Variants in MS4A4E observed in about 807,000 individuals in gnomAD.
MS4A4E encodes membrane spanning 4-domains A4E.
A neutral mutation model predicts 13.3 loss-of-function variants in MS4A4E; 23 were observed. The ratio of observed to expected loss-of-function variants is 1.73; its 90% confidence interval spans 1.25 to 2.45. The LOEUF (loss-of-function observed/expected upper bound fraction) is 2.45, where lower values mean the gene tolerates loss of function less well. Ranked by LOEUF, MS4A4E falls within the 30% of genes most tolerant of loss-of-function variation. The pLI, the probability that MS4A4E is intolerant of heterozygous loss-of-function variation, is 0.00. For missense variants in MS4A4E, 144 were observed against 131.2 expected (o/e 1.10, Z -0.48); for synonymous variants, 36 against 45.6 (o/e 0.79, Z 0.85).
chr11:60,236,469 T>C (rs927360350), intron 1 of MS4A4E, among the ~76,000 whole-genome samples: 4 of 152,134 alleles, frequency 2.6e-5, no homozygotes, highest in Non-Finnish European at 4.4e-5. Flanking sequence ...TTTTCTTTAA[T>C]TTCTTTTAAC....
intron 3 of MS4A4E, among the ~76,000 whole-genome samples, chr11:60,226,181 C>A (rs1432458833): frequency 1.3e-5 from 2 of 151,304 alleles, no homozygotes; most frequent in Non-Finnish European, 1.5e-5. Flanking sequence ...CAGAAAGCAC[C>A]AGGCCTGGAA....
chr11:60,205,854 T>A (rs1486059919), intron 6 of MS4A4E, among the ~76,000 whole-genome samples, 34 bp from the exon 7 acceptor site: 3 of 152,192 alleles, frequency 2.0e-5, no homozygotes, highest in African/African-American at 7.2e-5. Flanking sequence ...TTAACAAACA[T>A]TAACAAATAC....
chr11:60,214,593 C>T lies in MS4A4E; in HGVS notation c.200G>A (p.Gly67Glu). Residue 67 changes from glycine (G) to glutamate (E), a missense_variant, in exon 4 of 9, where the codon GGA becomes GAA. Physicochemically the swap from Gly to Glu is moderately conservative, Grantham distance 98 (BLOSUM62 -2). This residue lies in a region of MS4A4E where 119 missense variants were observed against 88.7 expected (regional missense o/e 1.34). Coordinates refer to ENST00000651255, the MANE Select transcript of MS4A4E (RefSeq NM_001393391.1). The stretch of plus-strand genomic sequence containing the variant: ...CACCAGACCTTTTGTTGTTCTAATT[C>T]CTGCTGCAACTGATAAGGATACTGA... ...THSVSLSVAA[G>E]IRTTKGLVGG... 1 of 1,532,084 alleles carries T rather than the reference C, an allele frequency of 6.5e-7. No individual in the cohort carries two copies. The highest frequency in any genetic ancestry group is 8.7e-7 in the Non-Finnish European group (1 of 1,144,252). 94.9% of individuals were successfully genotyped at this position (1,532,084 alleles called of 1,614,324 possible).
Position 60,234,639 on chromosome 11 carries a change from C to T in MS4A4E, c.-16-4568G>A, listed in dbSNP as rs536942995. 9.9e-5 allele frequency among the ~76,000 whole-genome samples: 15 copies of T among 152,104 alleles called. No homozygotes were observed. In the East Asian group the frequency reaches 2.5e-3, roughly 25 times the overall value. On this transcript the variant is annotated intron_variant, in intron 1 of 8. Coordinates refer to ENST00000651255, the MANE Select transcript of MS4A4E (RefSeq NM_001393391.1). ...TCATACATGCCCTTAGACTTCCCAG[C>T]CTCTAGAACTATAAGAACTGTAGAA...
At chr11:60,229,817 T>C in intron 2 of MS4A4E, 95 bp downstream of exon 2, 1 of 1,291,288 alleles carries the variant, frequency 7.7e-7, no homozygotes. Context: ...GTTGATGTAT[T>C]ATGAGGCTAG....
At chr11:60,207,102 T>C (rs1270615347) in intron 6 of MS4A4E, among the ~76,000 whole-genome samples, 1 of 152,164 alleles carries the variant, frequency 6.6e-6, no homozygotes, top group African/African-American at 2.4e-5. Flanking sequence ...CAAATCATGA[T>C]TTGCTGGTTA....
chr11:60,211,935 T>C (rs1285231), intron 5 of MS4A4E, among the ~76,000 whole-genome samples: 60,812 of 151,838 alleles, frequency 0.4, 12,618 homozygotes, highest in East Asian at 0.41. Flanking sequence ...ACTCCATCTC[T>C]AACAATAATA....
At chr11:60,216,076 T>C (rs1355167884) in intron 3 of MS4A4E, among the ~76,000 whole-genome samples, 3 of 152,204 alleles carry the variant, frequency 2.0e-5, no homozygotes, top group Non-Finnish European at 4.4e-5. Context: ...CTGGTACTTA[T>C]ACTGTAAAAG....
chr11:60,242,246 C>T (rs927413518), intron 1 of MS4A4E, among the ~76,000 whole-genome samples: 5 of 152,170 alleles, frequency 3.3e-5, no homozygotes. Flanking sequence ...ATTCTAGGTA[C>T]ATTATTTCCC....
Position 60,243,051 on chromosome 11 carries a change from T to TC in MS4A4E, c.-111dup. 2 of 1,165,340 alleles carry TC rather than the reference T, an allele frequency of 1.7e-6. No individual in the cohort carries two copies. Among genetic ancestry groups the TC allele is most frequent in the Non-Finnish European group, 2.5e-6 (2 of 813,724 alleles). The allele number at this position is 1,165,340 out of a possible 1,614,324, so 72.2% of individuals were successfully genotyped here. The stretch of plus-strand genomic sequence containing the variant: ...TTCTTTGTTCCAGACACAGTCAGCT[T>TC]CCCCCACTCCACACCTCACTCAGTT... On this transcript the variant is annotated 5_prime_UTR_variant, in exon 1 of 9. Transcript: ENST00000651255.
intron 1 of MS4A4E, among the ~76,000 whole-genome samples, chr11:60,237,100 G>T (rs1252026822): frequency 6.6e-6 from 1 of 152,000 alleles, no homozygotes; most frequent in Non-Finnish European, 1.5e-5. Flanking sequence ...CCTTTTCCCA[G>T]CCTCCACCCT....
intron 5 of MS4A4E, among the ~76,000 whole-genome samples, chr11:60,209,605 T>TACA (rs1429237634): frequency 6.6e-6 from 1 of 152,214 alleles, no homozygotes; most frequent in Non-Finnish European, 1.5e-5. Context: ...AAGAAGCTAA[T>TACA]ACAACAATGA....
chr11:60,238,429 C>G (rs1378160623), intron 1 of MS4A4E, among the ~76,000 whole-genome samples: 1 of 151,726 alleles, frequency 6.6e-6, no homozygotes, highest in Non-Finnish European at 1.5e-5. Flanking sequence ...AAAATTTGAC[C>G]ATTTCATATG....
chr11:60,218,656 T>C (rs1034882639), intron 3 of MS4A4E, among the ~76,000 whole-genome samples: 2 of 152,102 alleles, frequency 1.3e-5, no homozygotes, highest in African/African-American at 4.8e-5. Context: ...AGCAAGACAA[T>C]GTTGATTCTC....
rs118191047 is a variant in MS4A4E, at chr11:60,219,878, A to G, written c.179-5264T>C. 1.7e-3 allele frequency among the ~76,000 whole-genome samples: 266 copies of G among 152,318 alleles called. 4 individuals are homozygous for G. The East Asian group carries it at 0.041, about 24-fold the overall frequency. On this transcript the variant is annotated intron_variant, in intron 3 of 8. Transcript: ENST00000651255. ...AGGGGCTTATGGAGGTCATGTAATT[A>G]ATGGAGCTTTAGCTCAGGTTCAACT...
rs767232994 is a variant in MS4A4E, at chr11:60,214,544, T to C, written c.222+27A>G. The C allele has an allele frequency of 1.6e-5, 23 of 1,478,242 alleles. No homozygotes were observed. The South Asian group carries it at 3.0e-4, about 19-fold the overall frequency. 91.6% of individuals were successfully genotyped at this position (1,478,242 alleles called of 1,614,324 possible). ...ACATTATTGATTAATCCTTTCCTTT[T>C]GATACCCCCCACAAAACATTACTCA... is the stretch of plus-strand genomic sequence containing the variant. On this transcript the variant is annotated intron_variant, in intron 4 of 8. Coordinates refer to ENST00000651255, the MANE Select transcript of MS4A4E (RefSeq NM_001393391.1).
chr11:60,213,741 GA>G (rs2084154885), intron 4 of MS4A4E, among the ~76,000 whole-genome samples: 1 of 152,156 alleles, frequency 6.6e-6, no homozygotes, highest in Non-Finnish European at 1.5e-5. Context: ...TGTTTAGCCA[GA>G]AAAACCCTTG....
rs774324986 is a variant in MS4A4E, at chr11:60,208,695, C to G, written c.382-1G>C. ...AGAGGAGCACCATGCCATCCGTACC[C>G]TAGGAGAAAACTCATAACAAGGGAA... On this transcript the variant is annotated splice_acceptor_variant, in intron 5 of 8. Coordinates refer to ENST00000651255, the MANE Select transcript of MS4A4E (RefSeq NM_001393391.1). LOFTEE classifies it high-confidence loss of function. 54 of 1,266,012 alleles carry G rather than the reference C, an allele frequency of 4.3e-5. No homozygotes were observed. The highest frequency in any genetic ancestry group is 5.7e-5 in the Non-Finnish European group (51 of 899,760). 78.4% of individuals were successfully genotyped at this position (1,266,012 alleles called of 1,614,324 possible). A position where few individuals can be genotyped will look rare whatever the true frequency, so the allele number is the denominator to read the frequency against.
At position 60,230,090 on chromosome 11, in the gene MS4A4E, T is replaced by C. The variant is rs2084390128; in HGVS notation, c.-16-19A>G. 2.6e-6 allele frequency: 4 copies of C among 1,563,098 alleles called. No homozygotes were observed. The highest frequency in any genetic ancestry group is 3.5e-6 in the Non-Finnish European group (4 of 1,159,356). ...AAAGGTGCTACAATAAGAAATGTAATTTAGGATGAGGTCCTGGAAATGACA... is the reference window on the plus strand; with the variant it reads ...AAAGGTGCTACAATAAGAAATGTAACTTAGGATGAGGTCCTGGAAATGACA... On this transcript the variant is annotated intron_variant, in intron 1 of 8. Coordinates refer to ENST00000651255, the MANE Select transcript of MS4A4E (RefSeq NM_001393391.1).
Sources: allele counts gnomAD v4.1 joint callset (sites outside exome capture counted in the v4.1 genomes callset), GRCh38; gene constraint gnomAD v4.1.1; regional missense constraint gnomAD v4.1.1; transcripts MANE v1.5; gene names NCBI Gene and HGNC (gene_info 2026-07-23, HGNC 2026-07-21).